Variants in ZNF678 observed in about 807,000 individuals in gnomAD.
The protein encoded by ZNF678 is zinc finger protein 678, also known as hypothetical protein MGC42493.
A neutral mutation model predicts 3.0 loss-of-function variants in ZNF678; 5 were observed. That is an observed-to-expected ratio of 1.69 (90% CI 0.88 to 3.56). ZNF678 has a LOEUF of 3.56. Among genes scored for constraint, ZNF678 ranks in the 30% most tolerant of loss-of-function variants. ZNF678 has a pLI of 0.00. For synonymous variants in ZNF678, 218 were observed against 199.6 expected (o/e 1.09, Z -0.78); for missense variants, 593 against 605.0 (o/e 0.98, Z 0.21).
At chr1:227,676,353 G>A (rs1456109800) in intron 5 of ZNF678, among the ~76,000 whole-genome samples, 1 of 152,144 alleles carries the variant, frequency 6.6e-6, no homozygotes, top group Non-Finnish European at 1.5e-5. Flanking sequence ...GTAAGCTCAT[G>A]ATTTCAAATC....
chr1:227,632,052 T>A (rs1658559657), intron 1 of ZNF678, among the ~76,000 whole-genome samples: 1 of 151,814 alleles, frequency 6.6e-6, no homozygotes, highest in African/African-American at 2.4e-5. Flanking sequence ...ATTGGGGGAG[T>A]AGAGCACCTT....
At chr1:227,614,335 C>T (rs144656694) in intron 1 of ZNF678, among the ~76,000 whole-genome samples, 8 of 152,296 alleles carry the variant, frequency 5.3e-5, no homozygotes, top group African/African-American at 1.9e-4. Flanking sequence ...CAACATAAAC[C>T]TTATGACACC....
intron 5 of ZNF678, among the ~76,000 whole-genome samples, chr1:227,671,703 A>G (rs1659603758): frequency 6.6e-6 from 1 of 152,162 alleles, no homozygotes; most frequent in Non-Finnish European, 1.5e-5. Flanking sequence ...TGGAGTCACA[A>G]TATGACTCCA....
At chr1:227,643,159 T>TTAG (rs1270659445) in intron 1 of ZNF678, among the ~76,000 whole-genome samples, 1 of 151,842 alleles carries the variant, frequency 6.6e-6, no homozygotes, top group African/African-American at 2.4e-5. Context: ...AACAGAATTA[T>TTAG]TAGTAGTAGG....
At chr1:227,645,169 T>G (rs1658923948) in intron 1 of ZNF678, among the ~76,000 whole-genome samples, 1 of 152,222 alleles carries the variant, frequency 6.6e-6, no homozygotes, top group Non-Finnish European at 1.5e-5. Flanking sequence ...TTTTCTGCAT[T>G]TCAAGGTCCT....
intron 1 of ZNF678, among the ~76,000 whole-genome samples, chr1:227,610,886 C>A (rs1377396365): frequency 6.6e-6 from 1 of 152,162 alleles, no homozygotes; most frequent in Non-Finnish European, 1.5e-5. Flanking sequence ...ACTTCCCAGT[C>A]TGGCCCTTTT....
chr1:227,629,985 T>C (rs923711648), intron 1 of ZNF678, among the ~76,000 whole-genome samples: 1 of 152,064 alleles, frequency 6.6e-6, no homozygotes, highest in Non-Finnish European at 1.5e-5. Context: ...CCACCTTTTT[T>C]CTCCTGATCT....
At chr1:227,637,499 T>C (rs552705967) in intron 1 of ZNF678, among the ~76,000 whole-genome samples, 3 of 152,112 alleles carry the variant, frequency 2.0e-5, no homozygotes, top group African/African-American at 7.2e-5. Context: ...TCAAGCTGTT[T>C]AGAGAGGTAG....
At chr1:227,627,253 G>A (rs1162154081) in intron 1 of ZNF678, among the ~76,000 whole-genome samples, 1 of 151,872 alleles carries the variant, frequency 6.6e-6, no homozygotes, top group Non-Finnish European at 1.5e-5. Flanking sequence ...ATTTCCATTG[G>A]TTAGCTGCAG....
At chr1:227,614,801 T>TA (rs1658104240) in intron 1 of ZNF678, among the ~76,000 whole-genome samples, 1 of 152,218 alleles carries the variant, frequency 6.6e-6, no homozygotes, top group South Asian at 2.1e-4. Context: ...TGCTGAAAGA[T>TA]ACCCTCACAG....
chr1:227,596,244 C>G (rs988026124), intron 1 of ZNF678, among the ~76,000 whole-genome samples: 10 of 152,230 alleles, frequency 6.6e-5, no homozygotes, highest in African/African-American at 2.4e-4. Flanking sequence ...CCAATCACCT[C>G]ACTTCCCAGT....
intron 5 of ZNF678, among the ~76,000 whole-genome samples, chr1:227,669,235 A>G (rs1002841522): frequency 2.0e-4 from 30 of 152,250 alleles, no homozygotes; most frequent in African/African-American, 7.0e-4. Flanking sequence ...GAATAGTGCC[A>G]TACAAAAGTG....
chr1:227,574,439 A>C (rs538536808), intron 1 of ZNF678, among the ~76,000 whole-genome samples: 1 of 152,228 alleles, frequency 6.6e-6, no homozygotes, highest in South Asian at 2.1e-4. Flanking sequence ...GAGCATTTTG[A>C]AATATGATTT....
chr1:227,655,792 G>A lies in ZNF678; in HGVS notation c.1542G>A (p.Glu514=). The A allele has an allele frequency of 6.3e-7, 1 of 1,581,842 alleles. No homozygotes were observed. Among genetic ancestry groups the A allele is most frequent in the Non-Finnish European group, 8.6e-7 (1 of 1,167,450 alleles). The change falls in exon 4 of 4, where the codon GAG becomes GAA. Residue 514 remains glutamate, a synonymous_variant. Coordinates refer to ENST00000343776, the MANE Select transcript of ZNF678 (RefSeq NM_001367909.1). ...AGTATAAGAGAATTTATACTGGAGA[G>A]GAACCTGACAAATGTAAAAAATGTG... is the stretch of plus-strand genomic sequence containing the variant. ...HSKYKRIYTG[E]EPDKCKKCGS...
At chr1:227,630,242 G>C (rs1282068114) in intron 1 of ZNF678, among the ~76,000 whole-genome samples, 2 of 152,156 alleles carry the variant, frequency 1.3e-5, no homozygotes, top group Non-Finnish European at 2.9e-5. Context: ...GGACATCATT[G>C]AATAATTCTT....
intron 1 of ZNF678, among the ~76,000 whole-genome samples, chr1:227,576,912 T>TA (rs1299810972): frequency 2.0e-5 from 3 of 152,186 alleles, no homozygotes; most frequent in Non-Finnish European, 4.4e-5. Flanking sequence ...AGCTGTGTCT[T>TA]AGAGATTCTG....
intron 3 of ZNF678, among the ~76,000 whole-genome samples, chr1:227,652,650 C>T (rs1659117342): frequency 6.6e-6 from 1 of 151,998 alleles, no homozygotes; most frequent in South Asian, 2.1e-4. Flanking sequence ...CAGTTGCATA[C>T]AGAAATTTTT....
At chr1:227,647,064 C>CT (rs1409225413) in intron 2 of ZNF678, among the ~76,000 whole-genome samples, 3 of 151,794 alleles carry the variant, frequency 2.0e-5, no homozygotes, top group African/African-American at 7.3e-5. Context: ...ACCAGCCTGG[C>CT]TAACATGGTG....
At chr1:227,664,218 C>T (rs958536822), downstream of ZNF678, among the ~76,000 whole-genome samples, 3 of 152,186 alleles carry the variant, frequency 2.0e-5, no homozygotes, top group Middle Eastern at 3.4e-3. Flanking sequence ...AAGAGAATTC[C>T]CATAGACCTT....
Sources: gnomAD v4.1 joint callset for allele counts (sites outside exome capture counted in the v4.1 genomes callset) on GRCh38, gnomAD v4.1.1 for gene constraint, MANE v1.5 for transcripts, NCBI Gene and HGNC (gene_info 2026-07-23, HGNC 2026-07-21) for gene names.